Variants in EHBP1L1 observed in about 807,000 individuals in gnomAD.
The protein encoded by EHBP1L1 is EH domain-binding protein 1-like protein 1.
EHBP1L1 carries 122 observed loss-of-function variants against 151.1 expected under a neutral mutation model. The ratio of observed to expected loss-of-function variants is 0.81; its 90% confidence interval spans 0.70 to 0.94. EHBP1L1 has a LOEUF of 0.94. EHBP1L1 is among the 40% of genes least tolerant of loss of function. The pLI is 0.00. For missense variants in EHBP1L1, 1,941 were observed against 1,959.8 expected (o/e 0.99, Z 0.18); for synonymous variants, 878 against 810.1 (o/e 1.08, Z -1.42).
chr11:65,584,138 A>G, intron 9 of EHBP1L1, 103 bp from the exon 10 acceptor site: 1 of 1,519,284 alleles, frequency 6.6e-7, no homozygotes, highest in Non-Finnish European at 8.8e-7. Flanking sequence ...GACCCCTGCA[A>G]GCTCAGAGAT....
chr11:65,591,620 G>T (rs1169267137), intron 16 of EHBP1L1, 180 bp from the exon 17 acceptor site: 1 of 641,990 alleles, frequency 1.6e-6, no homozygotes, highest in South Asian at 1.7e-5. Flanking sequence ...GGAGAAAACA[G>T]AAGAAAAGCG....
At position 65,585,720 on chromosome 11, in the gene EHBP1L1, C is replaced by T. The variant is rs746188798; in HGVS notation, c.3933+129C>T. The T allele has an allele frequency of 3.1e-5, 44 of 1,417,716 alleles. No individual in the cohort carries two copies. In the African/African-American group the frequency reaches 4.2e-4, roughly 14 times the overall value. 87.8% of individuals were successfully genotyped at this position (1,417,716 alleles called of 1,614,324 possible). On this transcript the variant is annotated intron_variant, in intron 12 of 18. Transcript: ENST00000309295. The surrounding 1 kb of genome is among the most constrained non-coding windows in gnomAD (Gnocchi z 4.0). Reference sequence around the variant, plus strand: ...CGCGAGGGTGACGGTTTCAGAGTGGCGGGGCTCGGCTGGACCCAGGAGGGG... The same window carrying T: ...CGCGAGGGTGACGGTTTCAGAGTGGTGGGGCTCGGCTGGACCCAGGAGGGG...
Position 65,579,989 on chromosome 11 carries a change from TGTGA to T in EHBP1L1, c.312+4_312+7del, listed in dbSNP as rs1441423753. Reference sequence around the variant, plus strand: ...AAGAGTGGACATTTATTATTGAAAATGTGAGTGTCTGGAGTGGGCTCAGGTCTGG... The same window carrying T: ...AAGAGTGGACATTTATTATTGAAAATGTGTCTGGAGTGGGCTCAGGTCTGG... On this transcript the variant is annotated splice_donor_variant and splice_donor_region_variant and intron_variant, in intron 4 of 18. Coordinates refer to ENST00000309295, the MANE Select transcript of EHBP1L1 (RefSeq NM_001099409.3). LOFTEE classifies it high-confidence loss of function. 1 of 1,613,646 alleles carries T rather than the reference TGTGA, an allele frequency of 6.2e-7. No homozygotes were observed. The highest frequency in any genetic ancestry group is 1.3e-5 in the African/African-American group (1 of 74,830).
intron 1 of EHBP1L1, among the ~76,000 whole-genome samples, chr11:65,578,714 G>T (rs1018043296): frequency 2.0e-5 from 3 of 152,232 alleles, no homozygotes; most frequent in African/African-American, 7.2e-5. Context: ...GAGTCTGCGT[G>T]TGTGCACGAT....
Position 65,585,277 on chromosome 11 carries a change from G to C in EHBP1L1, c.3619G>C (p.Val1207Leu). 9 of 1,079,940 alleles carry C rather than the reference G, an allele frequency of 8.3e-6. No individual in the cohort carries two copies. The highest frequency in any genetic ancestry group is 1.0e-5 in the Non-Finnish European group (9 of 890,544). The allele number at this position is 1,079,940 out of a possible 1,614,324, so 66.9% of individuals were successfully genotyped here. ...ADRADGAAPG[V>L]ASRNAVAGRA... ...CCGCGCAGACGGGGCGGCCCCGGGG[G>C]TGGCCTCCAGGAACGCGGTCGCGGG... The change falls in exon 12 of 19, where the codon GTG (valine) becomes CTG (leucine). Residue 1207 changes from valine (V) to leucine (L), a missense_variant. Physicochemically the swap from Val to Leu is conservative, Grantham distance 32 (BLOSUM62 1). Transcript: ENST00000309295. The surrounding 1 kb of genome is among the most constrained non-coding windows in gnomAD (Gnocchi z 4.0).
Position 65,585,276 on chromosome 11 carries a change from G to A in EHBP1L1, c.3618G>A (p.Gly1206=). Residue 1206 remains glycine (G), a synonymous_variant, in exon 12 of 19, where the codon GGG becomes GGA. Coordinates refer to ENST00000309295, the MANE Select transcript of EHBP1L1 (RefSeq NM_001099409.3). This position sits in a 1 kb window ranked among gnomAD's most constrained non-coding sequence, Gnocchi z 4.0. ...ACCGCGCAGACGGGGCGGCCCCGGG[G>A]GTGGCCTCCAGGAACGCGGTCGCGG... is the stretch of plus-strand genomic sequence containing the variant. The part of the protein sequence containing the change: ...AADRADGAAP[G]VASRNAVAGR... 2 of 1,080,526 alleles carry A rather than the reference G, an allele frequency of 1.9e-6. No individual in the cohort carries two copies. The highest frequency in any genetic ancestry group is 2.2e-6 in the Non-Finnish European group (2 of 890,926). 66.9% of individuals were successfully genotyped at this position (1,080,526 alleles called of 1,614,324 possible).
In EHBP1L1 at chr11:65,583,384, C is replaced by T; in HGVS notation, c.2712C>T (p.Ala904=). ...CTCTCAAATATGAGGCTTTAAGGGCCCCAGTCACTCAGCCAAGAGTTTTAG... is the reference window on the plus strand; with the variant it reads ...CTCTCAAATATGAGGCTTTAAGGGCTCCAGTCACTCAGCCAAGAGTTTTAG... The part of the protein sequence containing the change: ...GSALKYEALR[A]PVTQPRVLGS... The change falls in exon 9 of 19, where the codon GCC becomes GCT. Residue 904 remains alanine (A), a synonymous_variant. Transcript: ENST00000309295. 6.2e-7 allele frequency: 1 copy of T among 1,613,274 alleles called. No individual in the cohort carries two copies. The highest frequency in any genetic ancestry group is 8.5e-7 in the Non-Finnish European group (1 of 1,179,704).
rs1477816181 is a variant in EHBP1L1 at position 65,585,352 on chromosome 11, G to A, written c.3694G>A (p.Ala1232Thr). The change falls in exon 12 of 19, where the codon GCG becomes ACG. Residue 1232 changes from alanine to threonine, a missense_variant. By Grantham distance (58) the Ala-to-Thr change is moderately conservative. Transcript: ENST00000309295. The surrounding 1 kb of genome is among the most constrained non-coding windows in gnomAD (Gnocchi z 4.0). Reference sequence around the variant, plus strand: ...CGAGGCCCCCCGAGAGTCGCGACCCGCGGAGGTCCCGGCCGAGGGGCTGGT... The same window carrying A: ...CGAGGCCCCCCGAGAGTCGCGACCCACGGAGGTCCCGGCCGAGGGGCTGGT... ...GAEAPRESRP[A>T]EVPAEGLVNG... is the part of the protein sequence containing the mutation. 9.1e-6 allele frequency: 10 copies of A among 1,096,802 alleles called. No homozygotes were observed. Among genetic ancestry groups the A allele is most frequent in the South Asian group, 3.1e-5 (1 of 32,100 alleles). 67.9% of individuals were successfully genotyped at this position (1,096,802 alleles called of 1,614,324 possible).
rs1857926425 is a variant in EHBP1L1 at position 65,585,567 on chromosome 11, G to T, written c.3909G>T (p.Ala1303=). 6.3e-7 allele frequency: 1 copy of T among 1,580,644 alleles called. No homozygotes were observed. The highest frequency in any genetic ancestry group is 1.1e-5 in the South Asian group (1 of 88,116). The change falls in exon 12 of 19, where the codon GCG becomes GCT. Residue 1303 remains alanine, a synonymous_variant. Coordinates refer to ENST00000309295, the MANE Select transcript of EHBP1L1 (RefSeq NM_001099409.3). This position sits in a 1 kb window ranked among gnomAD's most constrained non-coding sequence, Gnocchi z 4.0. ...CGTTCTCGATGGACGATCCGGACGCGGGAGCCATGGGAGCTGCGGCTGCAG... is the reference window on the plus strand; with the variant it reads ...CGTTCTCGATGGACGATCCGGACGCTGGAGCCATGGGAGCTGCGGCTGCAG... The part of the protein sequence containing the change: ...SSSFSMDDPD[A]GAMGAAAAEG...
chr11:65,580,588 G>A (rs1857549423), intron 6 of EHBP1L1, 109 bp downstream of exon 6: 2 of 1,444,454 alleles, frequency 1.4e-6, no homozygotes, highest in Non-Finnish European at 1.9e-6. Context: ...ACTCATTACT[G>A]CCCAGGCAGT....
chr11:65,592,052 C>A lies in EHBP1L1; in HGVS notation c.4434C>A (p.Arg1478=), dbSNP rs750691785. 2.0e-5 allele frequency: 32 copies of A among 1,613,246 alleles called. No homozygotes were observed. The South Asian group carries it at 3.2e-4, about 16-fold the overall frequency. The change falls in exon 18 of 19, where the codon CGC becomes CGA. Residue 1478 remains arginine, a synonymous_variant. Transcript: ENST00000309295. Reference sequence around the variant, plus strand: ...AGCTGGTGTCGCTGGTGAACCAGCGCGATGAGCTAGTCCGGGACCTGGACC... The same window carrying A: ...AGCTGGTGTCGCTGGTGAACCAGCGAGATGAGCTAGTCCGGGACCTGGACC... ...LEELVSLVNQ[R]DELVRDLDHK... is the part of the protein sequence containing the mutation.
rs1857818326 is a variant in EHBP1L1 at position 65,584,374 on chromosome 11, T to G, written c.3227T>G (p.Leu1076Arg). 5 of 1,612,530 alleles carry G rather than the reference T, an allele frequency of 3.1e-6. No homozygotes were observed. Among genetic ancestry groups the G allele is most frequent in the Non-Finnish European group, 8.5e-7 (1 of 1,179,162 alleles). The change falls in exon 10 of 19, where the codon CTG becomes CGG. Residue 1076 changes from leucine (L) to arginine (R), a missense_variant. Transcript: ENST00000309295. ...WRNGLAFCAI[L>R]HRFYPDKIDY... Reference sequence around the variant, plus strand: ...AACGGCTTGGCCTTCTGTGCCATCCTGCACCGATTCTACCCAGACAAGATG... The same window carrying G: ...AACGGCTTGGCCTTCTGTGCCATCCGGCACCGATTCTACCCAGACAAGATG...
In EHBP1L1 at chr11:65,589,826, T is replaced by G. The variant is rs1006688366; in HGVS notation, c.4003+6T>G. On this transcript the variant is annotated splice_donor_region_variant and intron_variant, in intron 13 of 18. Coordinates refer to ENST00000309295, the MANE Select transcript of EHBP1L1 (RefSeq NM_001099409.3). ...AGACTCTCAACAGCCCCCTGGTGAG[T>G]AGCAGGAGTGGTGACCATCTCAGTT... 24 of 1,560,902 alleles carry G rather than the reference T, an allele frequency of 1.5e-5. No individual in the cohort carries two copies. The African/African-American group carries it at 3.1e-4, about 20-fold the overall frequency.
At chr11:65,584,460 G>T in intron 10 of EHBP1L1, 26 bp from the exon 11 acceptor site, 1 of 1,613,492 alleles carries the variant, frequency 6.2e-7, no homozygotes, top group Non-Finnish European at 8.5e-7. Flanking sequence ...TGTGGACCCA[G>T]CCTCTGACCA....
rs748700822 is a variant in EHBP1L1 at position 65,592,207 on chromosome 11, C to T, written c.4477C>T (p.Leu1493=). 91 of 1,561,832 alleles carry T rather than the reference C, an allele frequency of 5.8e-5. No individual in the cohort carries two copies. Among genetic ancestry groups the T allele is most frequent in the African/African-American group, 3.1e-4 (23 of 73,696 alleles). Residue 1493 remains leucine (L), a synonymous_variant, in exon 19 of 19, where the codon CTG becomes TTG. Coordinates refer to ENST00000309295, the MANE Select transcript of EHBP1L1 (RefSeq NM_001099409.3). ...RDLDHKERIA[L]EEDERLERGL... Reference sequence around the variant, plus strand: ...ACTCGAACCCGTTCTCCCCAGCGCCCTGGAGGAGGACGAGCGCCTGGAGCG... The same window carrying T: ...ACTCGAACCCGTTCTCCCCAGCGCCTTGGAGGAGGACGAGCGCCTGGAGCG...
At chr11:65,577,214 G>A (rs1015055120) in intron 1 of EHBP1L1, among the ~76,000 whole-genome samples, 1 of 152,176 alleles carries the variant, frequency 6.6e-6, no homozygotes, top group African/African-American at 2.4e-5. Context: ...GGCTGGATTA[G>A]GGCACAGCTG....
intron 1 of EHBP1L1, 69 bp downstream of exon 1, chr11:65,576,475 G>A: frequency 7.1e-7 from 1 of 1,410,996 alleles, no homozygotes; most frequent in Non-Finnish European, 9.6e-7. Flanking sequence ...TTGAGCCTGA[G>A]AGGACTCTGC....
chr11:65,586,657 G>A (rs1857979470), intron 12 of EHBP1L1, among the ~76,000 whole-genome samples: 1 of 152,240 alleles, frequency 6.6e-6, no homozygotes, highest in South Asian at 2.1e-4. Flanking sequence ...ATGAGGCCAG[G>A]CTGAGAGCAG....
Position 65,590,072 on chromosome 11 carries a change from C to T in EHBP1L1, c.4060-15C>T, listed in dbSNP as rs1565133279. The T allele has an allele frequency of 1.2e-6, 2 of 1,613,802 alleles. No homozygotes were observed. Among genetic ancestry groups the T allele is most frequent in the Non-Finnish European group, 1.7e-6 (2 of 1,179,806 alleles). ...GGGCTGAGTCCACCCTGTTCTCTGCCTTTTCCACCCCCAGCAACGGTTCCA... is the reference window on the plus strand; with the variant it reads ...GGGCTGAGTCCACCCTGTTCTCTGCTTTTTCCACCCCCAGCAACGGTTCCA... On this transcript the variant is annotated splice_polypyrimidine_tract_variant and intron_variant, in intron 14 of 18. Transcript: ENST00000309295.
Sources: gnomAD v4.1 joint callset for allele counts (sites outside exome capture counted in the v4.1 genomes callset) on GRCh38, gnomAD v4.1.1 for gene constraint, Gnocchi (gnomAD v3.1) non-coding constraint, MANE v1.5 for transcripts, NCBI Gene and HGNC (gene_info 2026-07-23, HGNC 2026-07-21) for gene names.